Variants in ATP13A1 observed in about 807,000 individuals in gnomAD.
ATP13A1 encodes ATPase 13A1.
ATP13A1 carries 55 observed loss-of-function variants against 134.8 expected under a neutral mutation model. That is an observed-to-expected ratio of 0.41 (90% CI 0.33 to 0.51). The LOEUF is 0.51. Ranked by LOEUF, ATP13A1 falls within the 20% of genes least tolerant of loss-of-function variation. The pLI is 0.29. For missense variants in ATP13A1, 1,389 were observed against 1,652.8 expected (o/e 0.84, Z 2.77); for synonymous variants, 775 against 725.1 (o/e 1.07, Z -1.10).
Position 19,647,136 on chromosome 19 carries a change from C to T in ATP13A1, c.3098G>A (p.Arg1033His), listed in dbSNP as rs943778890. 1.6e-5 allele frequency: 25 copies of T among 1,611,406 alleles called. No homozygotes were observed. Among genetic ancestry groups the T allele is most frequent in the Non-Finnish European group, 2.1e-5 (25 of 1,178,620 alleles). ...AGCACCTCTGGGGCCCACCTTGGAA[C>T]GGGAGATGAAGAGGAAGCAGCCGGC... ...LLAGCFLFISRSKPLKTLSRE... is the reference protein window; with the variant it reads ...LLAGCFLFISHSKPLKTLSRE... Residue 1033 changes from arginine (R) to histidine (H), a missense_variant, in exon 22 of 26, where the codon CGT (arginine) becomes CAT (histidine). Coordinates refer to ENST00000357324, the MANE Select transcript of ATP13A1 (RefSeq NM_020410.3). The surrounding 1 kb of genome is among the most constrained non-coding windows in gnomAD (Gnocchi z 4.8).
Position 19,663,524 on chromosome 19 carries a change from T to G in ATP13A1, c.143A>C (p.Glu48Ala). 1 of 1,529,974 alleles carries G rather than the reference T, an allele frequency of 6.5e-7. No individual in the cohort carries two copies. Among genetic ancestry groups the G allele is most frequent in the East Asian group, 2.5e-5 (1 of 40,284 alleles). 94.8% of individuals were successfully genotyped at this position (1,529,974 alleles called of 1,614,324 possible). ...AGPALIANGD[E>A]LVAAVWPYRR... Reference sequence around the variant, plus strand: ...GTACGGCCACACGGCAGCCACCAGCTCGTCACCGTTCGCTATGAGCGCCGG... The same window carrying G: ...GTACGGCCACACGGCAGCCACCAGCGCGTCACCGTTCGCTATGAGCGCCGG... Residue 48 changes from glutamate to alanine, a missense_variant, in exon 1 of 26, where the codon GAG becomes GCG. Around this residue, in one of 4 missense-constraint regions of ATP13A1, gnomAD observed 293 missense variants for 270.8 expected, o/e 1.08. Transcript: ENST00000357324.
At chr19:19,660,338 C>T (rs1232213003) in intron 1 of ATP13A1, among the ~76,000 whole-genome samples, 3 of 152,038 alleles carry the variant, frequency 2.0e-5, no homozygotes, top group East Asian at 1.9e-4. Context: ...ACAAATGAGC[C>T]GGACACGGTG....
rs1237254874 is a variant in ATP13A1, at chr19:19,655,244, G to A, written c.1535-5C>T. 1 of 1,613,982 alleles carries A rather than the reference G, an allele frequency of 6.2e-7. No individual in the cohort carries two copies. The highest frequency in any genetic ancestry group is 1.1e-5 in the South Asian group (1 of 91,080). ...AGGGCTCTGTGCAGTACATGTCTAG[G>A]GGCGGGAGTGAGGTCAGGGGTCCTG... On this transcript the variant is annotated splice_region_variant and splice_polypyrimidine_tract_variant and intron_variant, in intron 11 of 25. Coordinates refer to ENST00000357324, the MANE Select transcript of ATP13A1 (RefSeq NM_020410.3). The surrounding 1 kb of genome is among the most constrained non-coding windows in gnomAD (Gnocchi z 5.7).
rs753718137 is a variant in ATP13A1 at position 19,656,197 on chromosome 19, T to G, written c.1084-14A>C. 6.3e-7 allele frequency: 1 copy of G among 1,590,022 alleles called. No individual in the cohort carries two copies. Among genetic ancestry groups the G allele is most frequent in the African/African-American group, 1.3e-5 (1 of 74,362 alleles). Reference sequence around the variant, plus strand: ...TTCGATGGGCTCCTGGGGAGGAAGATCGTGAATCTGGATGGCCAGGCCTAC... The same window carrying G: ...TTCGATGGGCTCCTGGGGAGGAAGAGCGTGAATCTGGATGGCCAGGCCTAC... On this transcript the variant is annotated splice_polypyrimidine_tract_variant and intron_variant, in intron 7 of 25. Transcript: ENST00000357324. The surrounding 1 kb of genome is among the most constrained non-coding windows in gnomAD (Gnocchi z 4.6).
intron 16 of ATP13A1, 60 bp from the exon 17 acceptor site, chr19:19,651,857 G>T: frequency 7.4e-7 from 1 of 1,357,712 alleles, no homozygotes; most frequent in Non-Finnish European, 1.0e-6. Context: ...CTAGGCCAGA[G>T]ACAAGGCTGC....
Position 19,663,636 on chromosome 19 carries a change from C to A in ATP13A1, c.31G>T (p.Val11Leu). The part of the protein sequence containing the change: MAAAAAVGNA[V>L]PCGARPCGVR... Reference sequence around the variant, plus strand: ...CCGCAAGGCCGGGCCCCGCAGGGCACCGCGTTGCCCACCGCCGCCGCTGCC... The same window carrying A: ...CCGCAAGGCCGGGCCCCGCAGGGCAACGCGTTGCCCACCGCCGCCGCTGCC... The change falls in exon 1 of 26, where the codon GTG (valine) becomes TTG (leucine). Residue 11 changes from valine (V) to leucine (L), a missense_variant. This residue lies in a region of ATP13A1 where 293 missense variants were observed against 270.8 expected (regional missense o/e 1.08). Coordinates refer to ENST00000357324, the MANE Select transcript of ATP13A1 (RefSeq NM_020410.3). 1.5e-6 allele frequency: 2 copies of A among 1,307,670 alleles called. No individual in the cohort carries two copies. The highest frequency in any genetic ancestry group is 1.9e-6 in the Non-Finnish European group (2 of 1,030,608). The allele number at this position is 1,307,670 out of a possible 1,614,324, so 81.0% of individuals were successfully genotyped here.
rs371113170 is a variant in ATP13A1 at position 19,656,713 on chromosome 19, G to T, written c.1030C>A (p.Arg344Ser). Residue 344 changes from arginine (R) to serine (S), a missense_variant, in exon 7 of 26, where the codon CGC becomes AGC. Transcript: ENST00000357324. This position sits in a 1 kb window ranked among gnomAD's most constrained non-coding sequence, Gnocchi z 4.6. ...VPCDVLLLRG[R>S]CIVDEAMLTG... is the part of the protein sequence containing the mutation. ...AGCATGGCCTCGTCTACGATGCAGC[G>T]GCCTCGCAGCAGAAGCACGTCACAT... The T allele has an allele frequency of 1.2e-6, 2 of 1,613,784 alleles. No homozygotes were observed. Among genetic ancestry groups the T allele is most frequent in the Non-Finnish European group, 1.7e-6 (2 of 1,179,868 alleles).
chr19:19,659,685 T>C lies in ATP13A1; in HGVS notation c.593A>G (p.Asn198Ser). 6 of 1,613,922 alleles carry C rather than the reference T, an allele frequency of 3.7e-6. No individual in the cohort carries two copies. Among genetic ancestry groups the C allele is most frequent in the Non-Finnish European group, 5.1e-6 (6 of 1,179,876 alleles). ...GTTGCTCTGATAGTATGAGAAGGCG[T>C]TTCCCACAGGAAAGGCCACGGGGAG... Reference protein sequence around the residue: ...QFLPVAFPVGNAFSYYQSNRG... With the variant: ...QFLPVAFPVGSAFSYYQSNRG... Residue 198 changes from asparagine to serine, a missense_variant, in exon 3 of 26, where the codon AAC becomes AGC. By Grantham distance (46) the Asn-to-Ser change is conservative. Around this residue, in one of 4 missense-constraint regions of ATP13A1, gnomAD observed 747 missense variants for 956.1 expected, o/e 0.78. Coordinates refer to ENST00000357324, the MANE Select transcript of ATP13A1 (RefSeq NM_020410.3).
chr19:19,645,214 T>C lies in ATP13A1; in HGVS notation c.*208A>G, dbSNP rs1179378621. On this transcript the variant is annotated 3_prime_UTR_variant, in exon 26 of 26. Coordinates refer to ENST00000357324, the MANE Select transcript of ATP13A1 (RefSeq NM_020410.3). The surrounding 1 kb of genome is among the most constrained non-coding windows in gnomAD (Gnocchi z 4.1). The stretch of plus-strand genomic sequence containing the variant: ...AGGCAGGGCTTTTTAAAATCTCAGA[T>C]GCTGCTTTATTTACCAAAGGTGCTG... The C allele has an allele frequency of 3.3e-6, 2 of 601,214 alleles. No individual in the cohort carries two copies. Among genetic ancestry groups the C allele is most frequent in the Non-Finnish European group, 5.9e-6 (2 of 337,752 alleles). The allele number at this position is 601,214 out of a possible 1,614,324, so 37.2% of individuals were successfully genotyped here. A position where few individuals can be genotyped will look rare whatever the true frequency, so the allele number is the denominator to read the frequency against.
Position 19,647,610 on chromosome 19 carries a change from T to C in ATP13A1, c.2782A>G (p.Thr928Ala), listed in dbSNP as rs757469330. ...CTCTTGGGACTCACCCTCTGGGAGG[T>C]TGGCTGCTCCTCGGAGGGAGGGAGC... ...SGLPPSEEQP[T>A]SQRDRLSQVL... The change falls in exon 20 of 26, where the codon ACC (threonine) becomes GCC (alanine). Residue 928 changes from threonine to alanine, a missense_variant. Physicochemically the swap from Thr to Ala is moderately conservative, Grantham distance 58. Around this residue, in one of 4 missense-constraint regions of ATP13A1, gnomAD observed 121 missense variants for 104.9 expected, o/e 1.15. Transcript: ENST00000357324. This position sits in a 1 kb window ranked among gnomAD's most constrained non-coding sequence, Gnocchi z 4.8. The C allele has an allele frequency of 9.3e-6, 15 of 1,613,208 alleles. No individual in the cohort carries two copies. Among genetic ancestry groups the C allele is most frequent in the Admixed American group, 8.3e-5 (5 of 59,970 alleles).
intron 1 of ATP13A1, chr19:19,662,434 C>T: frequency 2.2e-6 from 2 of 924,120 alleles, no homozygotes; most frequent in Non-Finnish European, 2.6e-6. Flanking sequence ...AAACACACTC[C>T]TGGAATCAGA....
At position 19,657,027 on chromosome 19, in the gene ATP13A1, G is replaced by C. The variant is rs781026442; in HGVS notation, c.873C>G (p.Ile291Met). 21 of 1,581,002 alleles carry C rather than the reference G, an allele frequency of 1.3e-5. No individual in the cohort carries two copies. The highest frequency in any genetic ancestry group is 5.4e-5 in the Admixed American group (3 of 56,002). Residue 291 changes from isoleucine (I) to methionine (M), a missense_variant, in exon 5 of 26, where the codon ATC (isoleucine) becomes ATG (methionine). Around this residue, in one of 4 missense-constraint regions of ATP13A1, gnomAD observed 747 missense variants for 956.1 expected, o/e 0.78. Transcript: ENST00000357324. Reference protein sequence around the residue: ...VQQQMRNMSEIRKMGNKPHMI... With the variant: ...VQQQMRNMSEMRKMGNKPHMI... ...TGTGGGGCTTGTTGCCCATCTTCCG[G>C]ATCTCCGACATGTTCCGCATCTGCT...
chr19:19,656,572 G>A lies in ATP13A1; in HGVS notation c.1083+88C>T. ...CACACTGCCTCCTCCGCCTGTGCCTGAGGGGGATCCCCGCCACCCCCTGGG... is the reference window on the plus strand; with the variant it reads ...CACACTGCCTCCTCCGCCTGTGCCTAAGGGGGATCCCCGCCACCCCCTGGG... On this transcript the variant is annotated intron_variant, in intron 7 of 25. Transcript: ENST00000357324. This position sits in a 1 kb window ranked among gnomAD's most constrained non-coding sequence, Gnocchi z 4.6. 1 of 1,373,422 alleles carries A rather than the reference G, an allele frequency of 7.3e-7. No individual in the cohort carries two copies. The highest frequency in any genetic ancestry group is 1.0e-6 in the Non-Finnish European group (1 of 995,192). 85.1% of individuals were successfully genotyped at this position (1,373,422 alleles called of 1,614,324 possible).
intron 18 of ATP13A1, 23 bp downstream of exon 18, chr19:19,649,718 G>A: frequency 6.2e-7 from 1 of 1,612,882 alleles, no homozygotes; most frequent in East Asian, 2.2e-5. Flanking sequence ...CTGTGCCCCT[G>A]ACCCCTAGGG....
chr19:19,654,896 T>C (rs748083257), intron 12 of ATP13A1, among the ~76,000 whole-genome samples, 196 bp from the exon 13 acceptor site: 6 of 152,186 alleles, frequency 3.9e-5, no homozygotes, highest in African/African-American at 7.2e-5. Flanking sequence ...CTGGGGGTCA[T>C]GTGGTGCATG....
In ATP13A1 at chr19:19,656,001, C is replaced by T. The variant is rs547589687; in HGVS notation, c.1213+53G>A. 395 of 1,611,910 alleles carry T rather than the reference C, an allele frequency of 2.5e-4. 2 individuals carry two copies. Among genetic ancestry groups the T allele is most frequent in the South Asian group, 1.8e-3 (165 of 90,934 alleles). ...CCTGACTCCCTCATGATCAAGCAGACGGGCAAAGGGGGTGGAAGCCCAGAT... is the reference window on the plus strand; with the variant it reads ...CCTGACTCCCTCATGATCAAGCAGATGGGCAAAGGGGGTGGAAGCCCAGAT... On this transcript the variant is annotated intron_variant, in intron 8 of 25. Transcript: ENST00000357324. This position sits in a 1 kb window ranked among gnomAD's most constrained non-coding sequence, Gnocchi z 4.6.
At chr19:19,650,859 G>A (rs563503054) in intron 17 of ATP13A1, 3 of 152,324 alleles carry the variant, frequency 2.0e-5, no homozygotes, top group Admixed American at 1.3e-4. Flanking sequence ...CCTGAACTGC[G>A]TGCGCCCACA....
rs2062062073 is a variant in ATP13A1, at chr19:19,656,878, A to G, written c.945T>C (p.Asp315=). The G allele has an allele frequency of 6.2e-7, 1 of 1,604,226 alleles. No homozygotes were observed. Among genetic ancestry groups the G allele is most frequent in the African/African-American group, 1.3e-5 (1 of 74,686 alleles). Residue 315 remains aspartate (D), a synonymous_variant, in exon 6 of 26, where the codon GAT becomes GAC. Transcript: ENST00000357324. This position sits in a 1 kb window ranked among gnomAD's most constrained non-coding sequence, Gnocchi z 4.6. The part of the protein sequence containing the change: ...RSRKWRPIAS[D]EIVPGDIVSI... ...AGACGATGTCCCCTGGTACGATCTC[A>G]TCACTGGCAATGGGCCTCCACTTGC...
At position 19,647,264 on chromosome 19, in the gene ATP13A1, G is replaced by A. The variant is rs781736095; in HGVS notation, c.2970C>T (p.Ile990=). ...CCAGGATGAGGGCATTGAGCGCCAGGATCTTGAACATCTGTAGCGTGGTCA... is the reference window on the plus strand; with the variant it reads ...CCAGGATGAGGGCATTGAGCGCCAGAATCTTGAACATCTGTAGCGTGGTCA... ...TLVTTLQMFK[I]LALNALILAY... Residue 990 remains isoleucine, a synonymous_variant, in exon 22 of 26, where the codon ATC becomes ATT. Coordinates refer to ENST00000357324, the MANE Select transcript of ATP13A1 (RefSeq NM_020410.3). The surrounding 1 kb of genome is among the most constrained non-coding windows in gnomAD (Gnocchi z 4.8). 44 of 1,613,686 alleles carry A rather than the reference G, an allele frequency of 2.7e-5. No homozygotes were observed. The highest frequency in any genetic ancestry group is 3.5e-5 in the Non-Finnish European group (41 of 1,179,880).
Sources: gnomAD v4.1 joint callset for allele counts (sites outside exome capture counted in the v4.1 genomes callset) on GRCh38, gnomAD v4.1.1 for gene constraint, gnomAD v4.1.1 regional missense constraint, Gnocchi (gnomAD v3.1) non-coding constraint, MANE v1.5 for transcripts, NCBI Gene and HGNC (gene_info 2026-07-23, HGNC 2026-07-21) for gene names.